PCDHAC1: variants seen among roughly 807,000 people sequenced by gnomAD.
The protein encoded by PCDHAC1 is protocadherin alpha-C1.
A neutral mutation model predicts 60.0 loss-of-function variants in PCDHAC1; 42 were observed. That is an observed-to-expected ratio of 0.70 (90% CI 0.55 to 0.90). The LOEUF is 0.90. Ranked by LOEUF, PCDHAC1 falls within the 40% of genes least tolerant of loss-of-function variation. The pLI is 0.00. For synonymous variants in PCDHAC1, 468 were observed against 499.3 expected (o/e 0.94, Z 0.84); for missense variants, 1,160 against 1,222.3 (o/e 0.95, Z 0.76).
At chr5:140,992,188 T>C (rs1193005639) in intron 3 of PCDHAC1, among the ~76,000 whole-genome samples, 6 of 152,140 alleles carry the variant, frequency 3.9e-5, no homozygotes, top group African/African-American at 1.4e-4. Flanking sequence ...ATGCTTTCAG[T>C]GATCTATCCA....
rs2085663832 is a variant in PCDHAC1, at chr5:140,928,940, A to G, written c.2048A>G (p.Tyr683Cys). The change falls in exon 1 of 4, where the codon TAT becomes TGT. Residue 683 changes from tyrosine to cysteine, a missense_variant. By Grantham distance (194) the Tyr-to-Cys change is radical. Around this residue, in one of 3 missense-constraint regions of PCDHAC1, gnomAD observed 1,113 missense variants for 1,163.7 expected, o/e 0.96. Transcript: ENST00000253807. Reference protein sequence around the residue: ...PGGQLSAQNLYLVIALACISF... With the variant: ...PGGQLSAQNLCLVIALACISF... ...GGGCAGCTTTCTGCCCAGAACTTGTATTTAGTAATTGCCTTGGCTTGTATT... is the reference window on the plus strand; with the variant it reads ...GGGCAGCTTTCTGCCCAGAACTTGTGTTTAGTAATTGCCTTGGCTTGTATT... The G allele has an allele frequency of 6.2e-7, 1 of 1,613,944 alleles. No homozygotes were observed.
intron 1 of PCDHAC1, among the ~76,000 whole-genome samples, chr5:140,947,069 T>G (rs2094080715): frequency 6.6e-6 from 1 of 151,696 alleles, no homozygotes; most frequent in Admixed American, 6.6e-5. Context: ...AGTGTATATA[T>G]GTATTGAAAC....
chr5:140,976,776 C>T (rs1554237952), intron 1 of PCDHAC1, among the ~76,000 whole-genome samples: 1 of 152,184 alleles, frequency 6.6e-6, no homozygotes. Context: ...TAGACTCTGA[C>T]TATATAGCTA....
At chr5:140,967,695 T>G in intron 1 of PCDHAC1, 1 of 1,614,184 alleles carries the variant, frequency 6.2e-7, no homozygotes, top group Non-Finnish European at 8.5e-7. Flanking sequence ...CTCTTCAGCA[T>G]AGATGCCAGT....
intron 1 of PCDHAC1, among the ~76,000 whole-genome samples, chr5:140,957,554 G>A (rs1291687434): frequency 6.6e-6 from 1 of 152,074 alleles, no homozygotes; most frequent in African/African-American, 2.4e-5. Flanking sequence ...ATTCTCTGTG[G>A]AAAAGGAGGG....
intron 1 of PCDHAC1, among the ~76,000 whole-genome samples, chr5:140,974,018 T>C (rs2096611642): frequency 1.3e-5 from 2 of 152,222 alleles, no homozygotes; most frequent in Non-Finnish European, 1.5e-5. Context: ...CATGTGATAA[T>C]ACAACTATAA....
intron 1 of PCDHAC1, among the ~76,000 whole-genome samples, chr5:140,956,511 T>C (rs1293826895): frequency 1.3e-5 from 2 of 152,218 alleles, no homozygotes. Flanking sequence ...TACTTGATCA[T>C]GGTGAATAAG....
chr5:140,999,987 G>T (rs1033618024), intron 3 of PCDHAC1, among the ~76,000 whole-genome samples: 6 of 152,042 alleles, frequency 3.9e-5, no homozygotes, highest in Non-Finnish European at 7.4e-5. Context: ...CGGCCTCTGG[G>T]TAGTGGTATT....
chr5:140,929,352 C>T (rs782815841), intron 1 of PCDHAC1, 27 bp downstream of exon 1: 8 of 1,526,758 alleles, frequency 5.2e-6, no homozygotes, highest in Admixed American at 2.1e-5. Flanking sequence ...GAATTTGATT[C>T]CTTTGGCCCG....
intron 2 of PCDHAC1, among the ~76,000 whole-genome samples, chr5:140,980,777 A>C (rs2096905451): frequency 6.6e-6 from 1 of 152,244 alleles, no homozygotes; most frequent in Non-Finnish European, 1.5e-5. Flanking sequence ...ATTGAAATTA[A>C]AATGCCATTT....
chr5:140,984,964 G>C (rs930753325), intron 3 of PCDHAC1, among the ~76,000 whole-genome samples: 1 of 151,818 alleles, frequency 6.6e-6, no homozygotes, highest in Non-Finnish European at 1.5e-5. Context: ...TTGAGACAGA[G>C]TCTCGCTCTG....
At chr5:141,000,595 T>G (rs1438785385) in intron 3 of PCDHAC1, among the ~76,000 whole-genome samples, 1 of 150,924 alleles carries the variant, frequency 6.6e-6, no homozygotes, top group African/African-American at 2.4e-5. Context: ...GCCCAGCTAA[T>G]TTTTGTATTT....
chr5:140,965,877 G>C (rs1355769719), intron 1 of PCDHAC1, among the ~76,000 whole-genome samples: 3 of 152,210 alleles, frequency 2.0e-5, no homozygotes, highest in Non-Finnish European at 4.4e-5. Context: ...CCACTTGGCC[G>C]AGAGCAGAAT....
rs1554205103 is a variant in PCDHAC1, at chr5:140,927,814, G to GCATA, written c.926_929dup (p.Glu311HisfsTer2). The GCATA allele has an allele frequency of 6.2e-7, 1 of 1,614,172 alleles. No individual in the cohort carries two copies. Among genetic ancestry groups the GCATA allele is most frequent in the Non-Finnish European group, 8.5e-7 (1 of 1,180,040 alleles). ...AGGTCCGCCTGAAACGCTCTTGGAG[G>GCATA]CATACATTGAGGCGAGGGACGAAGG... On this transcript the variant is annotated frameshift_variant, in exon 1 of 4. Coordinates refer to ENST00000253807, the MANE Select transcript of PCDHAC1 (RefSeq NM_018898.5). LOFTEE classifies it high-confidence loss of function.
intron 3 of PCDHAC1, among the ~76,000 whole-genome samples, chr5:140,999,340 C>T (rs903484891): frequency 2.6e-5 from 4 of 152,146 alleles, no homozygotes; most frequent in African/African-American, 4.8e-5. Flanking sequence ...ATTTATAAGC[C>T]TTGTCTCTTT....
intron 3 of PCDHAC1, among the ~76,000 whole-genome samples, chr5:140,985,770 C>T (rs1456292041): frequency 1.5e-5 from 2 of 132,222 alleles, no homozygotes; most frequent in African/African-American, 2.8e-5. Flanking sequence ...GAGACAGTCT[C>T]GCTCTGTCGC....
rs148631412 is a variant in PCDHAC1 at position 140,929,183 on chromosome 5, C to G, written c.2291C>G (p.Ser764Cys). Reference sequence around the variant, plus strand: ...TATCGGGCCTCTCTGGGACTTGGTTCTGATAATAACAGTTTGCTGTTGCGT... The same window carrying G: ...TATCGGGCCTCTCTGGGACTTGGTTGTGATAATAACAGTTTGCTGTTGCGT... The part of the protein sequence containing the change: ...YLYRASLGLG[S>C]DNNSLLLRGE... The change falls in exon 1 of 4, where the codon TCT (serine) becomes TGT (cysteine). Residue 764 changes from serine (S) to cysteine (C), a missense_variant. Around this residue, in one of 3 missense-constraint regions of PCDHAC1, gnomAD observed 1,113 missense variants for 1,163.7 expected, o/e 0.96. Coordinates refer to ENST00000253807, the MANE Select transcript of PCDHAC1 (RefSeq NM_018898.5). 6.2e-7 allele frequency: 1 copy of G among 1,614,144 alleles called. No homozygotes were observed. The highest frequency in any genetic ancestry group is 2.2e-5 in the East Asian group (1 of 44,884).
intron 3 of PCDHAC1, among the ~76,000 whole-genome samples, chr5:141,005,306 C>T (rs1563689503): frequency 6.6e-6 from 1 of 152,158 alleles, no homozygotes; most frequent in Non-Finnish European, 1.5e-5. Context: ...CTTTGTGAAT[C>T]TTACAGTGGT....
At position 140,927,917 on chromosome 5, in the gene PCDHAC1, TC is replaced by T. The variant is rs1554205257; in HGVS notation, c.1027del (p.Leu343Ter). ...DVNDHAPELDFLTLSNPVPED... is the reference protein window; with the variant it reads ...DVNDHAPELDXLTLSNPVPED... The stretch of plus-strand genomic sequence containing the variant: ...AACGATCATGCCCCCGAACTGGACT[TC>T]CTGACTCTTTCGAACCCAGTACCTG... On this transcript the variant is annotated frameshift_variant, in exon 1 of 4. Transcript: ENST00000253807. LOFTEE classifies it high-confidence loss of function. The T allele has an allele frequency of 1.2e-6, 2 of 1,614,182 alleles. No individual in the cohort carries two copies. The highest frequency in any genetic ancestry group is 8.5e-7 in the Non-Finnish European group (1 of 1,180,024).
Sources: gnomAD v4.1 joint callset for allele counts (sites outside exome capture counted in the v4.1 genomes callset) on GRCh38, gnomAD v4.1.1 for gene constraint, gnomAD v4.1.1 regional missense constraint, MANE v1.5 for transcripts, NCBI Gene and HGNC (gene_info 2026-07-23, HGNC 2026-07-21) for gene names.